The following OPHN1 variants were observed in gnomAD, a reference collection of about 807,000 sequenced individuals.
OPHN1 encodes oligophrenin 1.
In OPHN1, 11 loss-of-function variants were observed where a neutral mutation model predicts 60.7. The ratio of observed to expected loss-of-function variants is 0.18; its 90% CI spans 0.11 to 0.30. The LOEUF is 0.30. Among genes scored for constraint, OPHN1 ranks in the 10% least tolerant of loss-of-function variants. The pLI is 1.00. For missense variants in OPHN1, 449 were observed against 611.0 expected (o/e 0.73, Z 2.80); for synonymous variants, 226 against 222.6 (o/e 1.02, Z -0.14).
intron 15 of OPHN1, among the ~76,000 whole-genome samples, chrX:68,125,973 A>G (rs1212859472): frequency 5.4e-5 from 5 of 91,849 alleles, no homozygotes; most frequent in Non-Finnish European, 1.1e-4. Flanking sequence ...ACACACACAC[A>G]CACACATATA....
chrX:68,194,397 G>A (rs2077501749), intron 13 of OPHN1, 68 bp downstream of exon 13: 1 of 874,519 alleles, frequency 1.1e-6, no homozygotes, highest in East Asian at 3.1e-5. Flanking sequence ...CATTAATGAT[G>A]GTATTTACTA....
Position 68,189,493 on chromosome X carries a change from T to G in OPHN1, c.1276+3426A>C, listed in dbSNP as rs2077478353. ...TTACATTAGGTATATCTCCTAATGC[T>G]ATCCCTCCCACCTCCCCCAACCCCA... On this transcript the variant is annotated intron_variant, in intron 15 of 24. Coordinates refer to ENST00000355520, the MANE Select transcript of OPHN1 (RefSeq NM_002547.3). Among the ~76,000 whole-genome samples the G allele has an allele frequency of 2.7e-5, 3 of 109,721 alleles. No homozygotes were observed. In the Admixed American group the frequency reaches 3.0e-4, roughly 11 times the overall value.
chrX:68,152,268 A>AC (rs1344260509), intron 15 of OPHN1, among the ~76,000 whole-genome samples: 1 of 110,124 alleles, frequency 9.1e-6, no homozygotes, highest in Non-Finnish European at 1.9e-5. Context: ...CACCATACAA[A>AC]CACGTCCTTC....
intron 18 of OPHN1, among the ~76,000 whole-genome samples, chrX:68,101,558 G>A (rs1182321826): frequency 8.9e-6 from 1 of 112,196 alleles, no homozygotes; most frequent in Non-Finnish European, 1.9e-5. Flanking sequence ...GCATACTCTA[G>A]GGGTGATTAA....
chrX:68,334,657 G>A (rs1029566595), intron 2 of OPHN1, among the ~76,000 whole-genome samples: 1 of 111,571 alleles, frequency 9.0e-6, no homozygotes, highest in African/African-American at 3.3e-5. Context: ...ATGTAGAGTG[G>A]TTATGAATTA....
intron 16 of OPHN1, among the ~76,000 whole-genome samples, chrX:68,117,216 C>G (rs1424768885): frequency 9.0e-6 from 1 of 111,101 alleles, no homozygotes; most frequent in Non-Finnish European, 1.9e-5. Flanking sequence ...TTGAAGGGGC[C>G]TTCTTCCCTC....
At chrX:68,225,144 C>G (rs762267269) in intron 6 of OPHN1, among the ~76,000 whole-genome samples, 1 of 111,860 alleles carries the variant, frequency 8.9e-6, no homozygotes, top group African/African-American at 3.2e-5. Context: ...AGTCTGAGAG[C>G]GAACTGCAAG....
At chrX:68,237,276 C>T (rs897370132) in intron 5 of OPHN1, among the ~76,000 whole-genome samples, 11 of 112,749 alleles carry the variant, frequency 9.8e-5, no homozygotes, top group African/African-American at 3.2e-4. Flanking sequence ...TGAGCCACAA[C>T]GCCCGGCCTG....
chrX:68,222,775 T>C (rs1230083448), intron 6 of OPHN1, among the ~76,000 whole-genome samples: 1 of 69,479 alleles, frequency 1.4e-5, no homozygotes, highest in Non-Finnish European at 2.6e-5. Flanking sequence ...CTGGGGACTG[T>C]TGTGGGGTGG....
intron 19 of OPHN1, among the ~76,000 whole-genome samples, chrX:68,075,587 T>A (rs1332081117): frequency 9.0e-6 from 1 of 110,725 alleles, no homozygotes; most frequent in Non-Finnish European, 1.9e-5. Flanking sequence ...TGATTTCAAG[T>A]CTTATTATAA....
chrX:68,097,091 C>G (rs1020076109), intron 18 of OPHN1, 62 bp from the exon 19 acceptor site: 3 of 1,090,299 alleles, frequency 2.8e-6, no homozygotes, highest in Admixed American at 5.0e-5. Flanking sequence ...ACAACCAAGA[C>G]TGTTTTAGGT....
At chrX:68,049,323 T>C (rs904128860) in intron 23 of OPHN1, among the ~76,000 whole-genome samples, 15 of 112,291 alleles carry the variant, frequency 1.3e-4, no homozygotes, top group African/African-American at 4.8e-4. Context: ...AAAATCACTG[T>C]GTCCAAAATT....
chrX:68,433,698 C>T (rs2078897828), upstream of OPHN1: 3 of 295,943 alleles, frequency 1.0e-5, no homozygotes, highest in South Asian at 6.1e-4. Flanking sequence ...AGCCGGCCGG[C>T]CGGCCGTCCT....
intron 23 of OPHN1, among the ~76,000 whole-genome samples, chrX:68,052,337 G>T (rs182339538): frequency 9.2e-6 from 1 of 108,630 alleles, no homozygotes; most frequent in Non-Finnish European, 1.9e-5. Context: ...AAAAGAATAT[G>T]AGAGAAACAA....
chrX:68,098,738 C>T (rs1242633050), intron 18 of OPHN1, among the ~76,000 whole-genome samples: 1 of 111,390 alleles, frequency 9.0e-6, no homozygotes, highest in Admixed American at 9.5e-5. Flanking sequence ...AAAAGTATCT[C>T]CATGCTAACA....
At chrX:68,184,560 A>G (rs958885433) in intron 15 of OPHN1, among the ~76,000 whole-genome samples, 1 of 110,357 alleles carries the variant, frequency 9.1e-6, no homozygotes, top group African/African-American at 3.3e-5. Flanking sequence ...GGGAAGATGG[A>G]TCAACACTGT....
intron 2 of OPHN1, among the ~76,000 whole-genome samples, chrX:68,323,019 G>A (rs890457584): frequency 4.5e-5 from 5 of 111,525 alleles, no homozygotes; most frequent in African/African-American, 9.8e-5. Context: ...ACATGTGGTG[G>A]CAAGGAAGTG....
intron 6 of OPHN1, among the ~76,000 whole-genome samples, chrX:68,219,015 G>A (rs1405641249): frequency 5.3e-5 from 1 of 18,820 alleles, no homozygotes; most frequent in African/African-American, 1.7e-4. Flanking sequence ...ACCCATCAGT[G>A]TGCTGTATTC....
chrX:68,070,454 G>A (rs1411650553), intron 20 of OPHN1: 5 of 559,661 alleles, frequency 8.9e-6, no homozygotes, highest in Non-Finnish European at 1.6e-5. Flanking sequence ...CTAATGCCAA[G>A]TGGAGATGCA....
Sources: gnomAD v4.1 joint callset for allele counts (sites outside exome capture counted in the v4.1 genomes callset) on GRCh38, gnomAD v4.1.1 for gene constraint, MANE v1.5 for transcripts, NCBI Gene and HGNC (gene_info 2026-07-23, HGNC 2026-07-21) for gene names.